Variants in AGBL4 observed in about 807,000 individuals in gnomAD.
AGBL4 encodes cytosolic carboxypeptidase 6.
In AGBL4, 58 loss-of-function variants were observed where a neutral mutation model predicts 66.4. The ratio of observed to expected loss-of-function variants is 0.87; its 90% CI spans 0.71 to 1.09. The LOEUF (loss-of-function observed/expected upper bound fraction) is 1.09, where lower values mean the gene tolerates loss of function less well. Ranked by LOEUF, AGBL4 falls within the 50% of genes least tolerant of loss-of-function variation. The probability of loss-of-function intolerance (pLI) is 0.00; values close to 1 mark genes in which losing one functional copy is unlikely to be tolerated. For missense variants in AGBL4, 579 were observed against 631.0 expected, an observed-to-expected ratio of 0.92 and a Z score of 0.88; for synonymous variants, 234 against 222.9, an observed-to-expected ratio of 1.05 and a Z score of -0.44.
At chr1:49,097,751 T>G (rs1488196049) in intron 4 of AGBL4, among the ~76,000 whole-genome samples, 2 of 152,144 alleles carry the variant, frequency 1.3e-5, no homozygotes. Flanking sequence ...TGGCTAATTT[T>G]TGTGTTTTAA....
At position 49,475,165 on chromosome 1, in the gene AGBL4, G is replaced by A. The variant is rs185968699; in HGVS notation, c.282+222148C>T. Among the ~76,000 whole-genome samples, 11 of 151,978 alleles carry A rather than the reference G, an allele frequency of 7.2e-5. 1 individual carries two copies. The highest frequency in any genetic ancestry group is 3.9e-4 in the Admixed American group (6 of 15,248). On this transcript the variant is annotated intron_variant, in intron 3 of 13. Transcript: ENST00000371839. The stretch of plus-strand genomic sequence containing the variant: ...ACATGCAAGCATGTTGGATGTTATC[G>A]CATGCTTTTCCTGCATCTATTGAGA...
chr1:49,916,322 G>C (rs1444465277), intron 1 of AGBL4, among the ~76,000 whole-genome samples: 1 of 152,114 alleles, frequency 6.6e-6, no homozygotes, highest in Non-Finnish European at 1.5e-5. Context: ...TCACAAAGAA[G>C]CTAAAAACCT....
intron 9 of AGBL4, among the ~76,000 whole-genome samples, chr1:48,624,692 G>C (rs189089345): frequency 3.6e-4 from 55 of 152,284 alleles, no homozygotes; most frequent in African/African-American, 1.3e-3. Flanking sequence ...TTGCACTGGA[G>C]GGATTTGCAG....
intron 6 of AGBL4, chr1:48,818,029 T>G (rs1244674590): frequency 7.0e-6 from 5 of 709,274 alleles, no homozygotes; most frequent in African/African-American, 1.8e-5. Context: ...ATTCCCGAGA[T>G]TAGGTCAAAT....
At chr1:48,828,020 AC>A (rs1646466986) in intron 6 of AGBL4, among the ~76,000 whole-genome samples, 1 of 150,266 alleles carries the variant, frequency 6.7e-6, no homozygotes, top group African/African-American at 2.4e-5. Flanking sequence ...ACACACACAC[AC>A]ACACACACAC....
intron 3 of AGBL4, among the ~76,000 whole-genome samples, chr1:49,409,149 GCTCT>G (rs373757168): frequency 6.6e-4 from 97 of 146,066 alleles, no homozygotes; most frequent in African/African-American, 2.2e-3. Flanking sequence ...ACTCTCTCTG[GCTCT>G]CTCTCTCTCT....
chr1:48,689,851 G>C (rs1055644109), intron 6 of AGBL4, among the ~76,000 whole-genome samples: 9 of 152,212 alleles, frequency 5.9e-5, no homozygotes, highest in African/African-American at 2.2e-4. Flanking sequence ...GTTGCAGTAA[G>C]CCGAGATTGT....
intron 3 of AGBL4, among the ~76,000 whole-genome samples, chr1:49,313,095 A>C (rs1225403873): frequency 6.6e-6 from 1 of 151,416 alleles, no homozygotes; most frequent in African/African-American, 2.4e-5. Flanking sequence ...TCATTGTTCA[A>C]CTCCCATTTA....
intron 4 of AGBL4, among the ~76,000 whole-genome samples, chr1:49,150,092 T>C (rs1557681443): frequency 6.6e-6 from 1 of 152,138 alleles, no homozygotes; most frequent in Admixed American, 6.6e-5. Context: ...TATATAGACA[T>C]AGGCATCACA....
intron 3 of AGBL4, among the ~76,000 whole-genome samples, chr1:49,567,857 G>C (rs1157855247): frequency 6.6e-6 from 1 of 152,002 alleles, no homozygotes; most frequent in Non-Finnish European, 1.5e-5. Context: ...CAGAATTAAG[G>C]ACAAAAACTA....
chr1:49,657,777 A>G (rs1006180651), intron 3 of AGBL4, among the ~76,000 whole-genome samples: 3 of 152,190 alleles, frequency 2.0e-5, no homozygotes, highest in Non-Finnish European at 2.9e-5. Context: ...CTATTTAATA[A>G]ATGGTGCTGG....
chr1:48,674,745 C>A (rs1461152475), intron 6 of AGBL4, among the ~76,000 whole-genome samples: 1 of 152,076 alleles, frequency 6.6e-6, no homozygotes, highest in East Asian at 1.9e-4. Flanking sequence ...AATAACGGTG[C>A]TTGTCACATG....
chr1:49,862,305 A>C (rs531013351), intron 1 of AGBL4, among the ~76,000 whole-genome samples: 1 of 152,090 alleles, frequency 6.6e-6, no homozygotes, highest in East Asian at 1.9e-4. Context: ...AGCAGAAGAA[A>C]GAATTAGTGA....
intron 5 of AGBL4, among the ~76,000 whole-genome samples, chr1:48,976,786 AC>A (rs1659372609): frequency 6.6e-6 from 1 of 151,958 alleles, no homozygotes; most frequent in Non-Finnish European, 1.5e-5. Context: ...TTCCTCCTCA[AC>A]CTTTAGTCTT....
At chr1:50,021,938 T>G (rs984569895) in intron 1 of AGBL4, among the ~76,000 whole-genome samples, 1 of 152,184 alleles carries the variant, frequency 6.6e-6, no homozygotes, top group African/African-American at 2.4e-5. Flanking sequence ...TCTCTTCCCA[T>G]TGCCCCACAT....
intron 3 of AGBL4, among the ~76,000 whole-genome samples, chr1:49,258,111 A>G (rs1377843048): frequency 1.3e-5 from 2 of 152,216 alleles, no homozygotes; most frequent in African/African-American, 2.4e-5. Flanking sequence ...TGTTGAAAGG[A>G]AAACTAACAA....
rs147297560 is a variant in AGBL4, at chr1:49,198,702, T to C, written c.377+47068A>G. On this transcript the variant is annotated intron_variant, in intron 4 of 13. Coordinates refer to ENST00000371839, the MANE Select transcript of AGBL4 (RefSeq NM_032785.4). ...TGGGTGAGGTATGCTGGAAAAGCAT[T>C]GTTTGCCATATCACGGTTTTTTGAT... Among the ~76,000 whole-genome samples the C allele has an allele frequency of 2.0e-3, 297 of 152,272 alleles. 2 individuals carry two copies. Among genetic ancestry groups the C allele is most frequent in the African/African-American group, 6.9e-3 (287 of 41,562 alleles).
chr1:49,464,046 C>T (rs1255507519), intron 3 of AGBL4, among the ~76,000 whole-genome samples: 1 of 151,562 alleles, frequency 6.6e-6, no homozygotes, highest in Non-Finnish European at 1.5e-5. Context: ...GAGAGACAGT[C>T]TAAAGCATTT....
chr1:49,550,305 G>A (rs180948688), intron 3 of AGBL4, among the ~76,000 whole-genome samples: 41 of 152,268 alleles, frequency 2.7e-4, no homozygotes, highest in East Asian at 1.7e-3. Context: ...ATGAGGTACC[G>A]TTACATTCAT....
Sources: gnomAD v4.1 joint callset for allele counts (sites outside exome capture counted in the v4.1 genomes callset) on GRCh38, gnomAD v4.1.1 for gene constraint, MANE v1.5 for transcripts, NCBI Gene and HGNC (gene_info 2026-07-23, HGNC 2026-07-21) for gene names.